The following SMCO2 variants were observed in gnomAD, a reference collection of about 807,000 sequenced individuals.
SMCO2 encodes single-pass membrane protein with coiled-coil domains 2, also known as single-pass membrane and coiled-coil domain-containing protein 2.
In SMCO2, 25 loss-of-function variants were observed where a neutral mutation model predicts 29.5. The observed-to-expected ratio is 0.85, with a 90% confidence interval of 0.62 to 1.18. The LOEUF (loss-of-function observed/expected upper bound fraction) is 1.18. SMCO2 is among the 50% of genes most tolerant of loss of function. The probability of loss-of-function intolerance (pLI) is 0.00; values close to 1 mark genes in which losing one functional copy is unlikely to be tolerated. For synonymous variants in SMCO2, 117 were observed against 123.3 expected (o/e 0.95, Z 0.34); for missense variants, 348 against 344.5 (o/e 1.01, Z -0.08).
chr12:27,448,488 A>G, the SMCO2 span, among the ~76,000 whole-genome samples: 9,785 of 152,280 alleles, frequency 0.064, 358 homozygotes, highest in African/African-American at 0.091. Flanking sequence ...AAAACCAAAT[A>G]AACAAACCTG....
At chr12:27,479,283 G>A (rs1949619308) in intron 4 of SMCO2, among the ~76,000 whole-genome samples, 1 of 152,038 alleles carries the variant, frequency 6.6e-6, no homozygotes, top group South Asian at 2.1e-4. Flanking sequence ...CAGTGGGTGG[G>A]GTAGGCTGCT....
upstream of SMCO2, among the ~76,000 whole-genome samples, chr12:27,466,178 T>C (rs1306125929): frequency 6.6e-6 from 1 of 152,212 alleles, no homozygotes; most frequent in African/African-American, 2.4e-5. Context: ...TCCTAGCATT[T>C]TGGGAGGCCA....
the SMCO2 span, among the ~76,000 whole-genome samples, chr12:27,447,344 G>T: frequency 9.2e-5 from 14 of 152,022 alleles, no homozygotes; most frequent in South Asian, 2.9e-3. Context: ...TCTTTACTGG[G>T]GAAGCTGTCA....
At chr12:27,451,127 C>A in the SMCO2 span, among the ~76,000 whole-genome samples, 1 of 152,204 alleles carries the variant, frequency 6.6e-6, no homozygotes, top group Non-Finnish European at 1.5e-5. Flanking sequence ...ACTATTTGTT[C>A]TCTGTCCAAA....
the SMCO2 span, among the ~76,000 whole-genome samples, chr12:27,456,076 G>A: frequency 6.6e-5 from 10 of 152,162 alleles, no homozygotes; most frequent in African/African-American, 1.9e-4. Flanking sequence ...TTAGCCAGGC[G>A]TGGTGGCCCA....
exon 5 of SMCO2, chr12:27,488,536 A>T: frequency 6.5e-7 from 1 of 1,540,462 alleles, no homozygotes; most frequent in South Asian, 1.2e-5. Context: ...TGATCAAGGG[A>T]CAAGCACTGA....
the SMCO2 span, among the ~76,000 whole-genome samples, chr12:27,461,235 T>A: frequency 6.6e-6 from 1 of 152,214 alleles, no homozygotes; most frequent in Non-Finnish European, 1.5e-5. Flanking sequence ...ATTGTTGTAT[T>A]GTTATTTTAT....
chr12:27,458,658 G>A, the SMCO2 span, among the ~76,000 whole-genome samples: 1 of 152,114 alleles, frequency 6.6e-6, no homozygotes, highest in South Asian at 2.1e-4. Context: ...GGCCAACGTG[G>A]GCGGATCACC....
intron 5 of SMCO2, among the ~76,000 whole-genome samples, chr12:27,491,901 G>A (rs1450782442): frequency 6.6e-6 from 1 of 151,794 alleles, no homozygotes; most frequent in Non-Finnish European, 1.5e-5. Context: ...GTAGAGACGG[G>A]GTTTCACCAT....
chr12:27,431,259 C>T, the SMCO2 span, among the ~76,000 whole-genome samples: 5 of 152,064 alleles, frequency 3.3e-5, no homozygotes, highest in Admixed American at 1.3e-4. Flanking sequence ...TCAAGTGATC[C>T]GACTTCCCAA....
the SMCO2 span, among the ~76,000 whole-genome samples, chr12:27,452,030 G>A: frequency 6.6e-6 from 1 of 152,178 alleles, no homozygotes; most frequent in East Asian, 1.9e-4. Flanking sequence ...ATAGTTAAGA[G>A]ATCATAGCTG....
At chr12:27,426,895 C>T in the SMCO2 span, among the ~76,000 whole-genome samples, 1 of 152,134 alleles carries the variant, frequency 6.6e-6, no homozygotes, top group Non-Finnish European at 1.5e-5. Flanking sequence ...ATCTATAAGG[C>T]ATTTTAAAAG....
At chr12:27,431,541 A>G in the SMCO2 span, among the ~76,000 whole-genome samples, 59 of 152,298 alleles carry the variant, frequency 3.9e-4, no homozygotes, top group Admixed American at 2.4e-3. Flanking sequence ...TCTTAGCATC[A>G]TAGCCTCAAT....
chr12:27,475,429 T>G (rs1949577130), intron 4 of SMCO2, among the ~76,000 whole-genome samples, 153 bp from the exon 5 acceptor site: 1 of 152,226 alleles, frequency 6.6e-6, no homozygotes, highest in African/African-American at 2.4e-5. Flanking sequence ...ATACCCAAAC[T>G]TCTTTTCTTG....
chr12:27,482,756 G>A (rs1000842133), intron 4 of SMCO2, among the ~76,000 whole-genome samples: 1 of 152,122 alleles, frequency 6.6e-6, no homozygotes, highest in African/African-American at 2.4e-5. Context: ...TTTGAGACAA[G>A]GTCTCGCTCT....
intron 6 of SMCO2, 131 bp downstream of exon 7, chr12:27,494,487 T>TA (rs1555175487): frequency 5.7e-5 from 10 of 176,502 alleles, no homozygotes; most frequent in South Asian, 1.8e-4. Flanking sequence ...TTTAATTTAA[T>TA]TTATTATTAT....
chr12:27,456,523 ATC>A, the SMCO2 span, among the ~76,000 whole-genome samples: 89 of 152,240 alleles, frequency 5.8e-4, no homozygotes, highest in Admixed American at 9.2e-4. Context: ...GGCTCAAGCG[ATC>A]CTCCCACCTC....
At chr12:27,434,869 G>T in the SMCO2 span, among the ~76,000 whole-genome samples, 1 of 152,114 alleles carries the variant, frequency 6.6e-6, no homozygotes, top group Non-Finnish European at 1.5e-5. Flanking sequence ...GTGACTGAGG[G>T]AGTGTCTGTA....
chr12:27,461,917 A>G (rs1208944851), upstream of SMCO2, among the ~76,000 whole-genome samples: 1 of 152,226 alleles, frequency 6.6e-6, no homozygotes, highest in Non-Finnish European at 1.5e-5. Flanking sequence ...TTCTTTCCAT[A>G]ATGGTTTCTC....
Sources: allele counts gnomAD v4.1 joint callset (sites outside exome capture counted in the v4.1 genomes callset), GRCh38; gene constraint gnomAD v4.1.1; transcripts MANE v1.5; gene names NCBI Gene and HGNC (gene_info 2026-07-23, HGNC 2026-07-21).